The following DIP2C variants were observed in gnomAD, a reference collection of about 807,000 sequenced individuals.
DIP2C encodes the protein disco-interacting protein 2 homolog C.
A neutral mutation model predicts 192.4 loss-of-function variants in DIP2C; 33 were observed. That is an observed-to-expected ratio of 0.17 (90% CI 0.13 to 0.23). The LOEUF (loss-of-function observed/expected upper bound fraction) is 0.23. Among genes scored for constraint, DIP2C ranks in the 10% least tolerant of loss-of-function variants. DIP2C has a pLI of 1.00. For synonymous variants in DIP2C, 979 were observed against 864.1 expected, an observed-to-expected ratio of 1.13 and a Z score of -2.33; for missense variants, 1,537 against 2,110.1, an observed-to-expected ratio of 0.73 and a Z score of 5.32.
chr10:605,662 C>T (rs1026583879), intron 1 of DIP2C, among the ~76,000 whole-genome samples: 1 of 152,202 alleles, frequency 6.6e-6, no homozygotes, highest in Non-Finnish European at 1.5e-5. Context: ...ATTTCATTGC[C>T]ACCTCTGTCT....
rs1028066575 is a variant in DIP2C, at chr10:652,920, G to A, written c.85+36574C>T. ...CTTCCTCCCCGCCCACAGCTACCTC[G>A]CAGCAGCCACACACTGAGCCATAAA... On this transcript the variant is annotated intron_variant, in intron 1 of 36. Transcript: ENST00000280886. The surrounding 1 kb of genome is among the most constrained non-coding windows in gnomAD (Gnocchi z 4.5). Among the ~76,000 whole-genome samples the A allele has an allele frequency of 6.6e-6, 1 of 151,768 alleles. No homozygotes were observed. Among genetic ancestry groups the A allele is most frequent in the African/African-American group, 2.4e-5 (1 of 41,290 alleles).
intron 3 of DIP2C, among the ~76,000 whole-genome samples, chr10:471,717 C>T (rs928551055): frequency 6.6e-6 from 1 of 152,208 alleles, no homozygotes; most frequent in African/African-American, 2.4e-5. Context: ...GAAAAACTCT[C>T]TCAGAATAAT....
Position 345,098 on chromosome 10 carries a change from C to T in DIP2C, c.3244G>A (p.Ala1082Thr), listed in dbSNP as rs1386998510. The change falls in exon 27 of 37, where the codon GCC (alanine) becomes ACC (threonine). Residue 1082 changes from alanine to threonine, a missense_variant. This residue lies in a region of DIP2C where 677 missense variants were observed against 989.9 expected (regional missense o/e 0.68). Coordinates refer to ENST00000280886, the MANE Select transcript of DIP2C (RefSeq NM_014974.3). ...VKMIVEVSRS[A>T]CLMTTQLICK... ...ATCAGCTGTGTCGTCATCAGACAGG[C>T]AGAGCGACTCACCTGGCATCAGAGA... The T allele has an allele frequency of 7.4e-6, 12 of 1,611,876 alleles. No individual in the cohort carries two copies. The Admixed American group carries it at 2.0e-4, about 27-fold the overall frequency.
At chr10:378,750 A>C (rs962091684) in intron 17 of DIP2C, among the ~76,000 whole-genome samples, 1 of 151,850 alleles carries the variant, frequency 6.6e-6, no homozygotes, top group Non-Finnish European at 1.5e-5. Context: ...GACACATGTG[A>C]ACACATGCCT....
chr10:457,476 C>G (rs569872178), intron 3 of DIP2C, among the ~76,000 whole-genome samples: 1 of 152,362 alleles, frequency 6.6e-6, no homozygotes, highest in South Asian at 2.1e-4. Flanking sequence ...TGAAACCAAT[C>G]TATCCTATAT....
chr10:349,992 C>A (rs1424301602), intron 24 of DIP2C, among the ~76,000 whole-genome samples: 1 of 152,166 alleles, frequency 6.6e-6, no homozygotes, highest in Non-Finnish European at 1.5e-5. Flanking sequence ...AATGTACAAA[C>A]AAATAGAAAA....
chr10:437,331 A>T (rs910457964), intron 4 of DIP2C, among the ~76,000 whole-genome samples: 7 of 142,532 alleles, frequency 4.9e-5, no homozygotes, highest in Non-Finnish European at 9.0e-5. Context: ...CACCTCCTGG[A>T]CATGGTAGGG....
intron 16 of DIP2C, 48 bp from the exon 17 acceptor site, chr10:382,809 G>T: frequency 7.4e-7 from 1 of 1,357,964 alleles, no homozygotes; most frequent in Non-Finnish European, 1.0e-6. Flanking sequence ...CACTGTGATT[G>T]ATTACAAAAT....
chr10:408,503 T>C (rs77988770), intron 9 of DIP2C, among the ~76,000 whole-genome samples: 293 of 152,344 alleles, frequency 1.9e-3, no homozygotes, highest in African/African-American at 6.2e-3. Context: ...CATGCCTTTA[T>C]AGTATTGCTT....
intron 1 of DIP2C, among the ~76,000 whole-genome samples, chr10:526,317 A>G (rs972231877): frequency 3.3e-5 from 5 of 152,260 alleles, no homozygotes; most frequent in African/African-American, 9.6e-5. Context: ...GAATTTTATT[A>G]CATAAAATTT....
At chr10:679,887 T>C (rs1018684735) in intron 1 of DIP2C, among the ~76,000 whole-genome samples, 2 of 152,054 alleles carry the variant, frequency 1.3e-5, no homozygotes, top group Non-Finnish European at 2.9e-5. Context: ...CCTGGATAAA[T>C]GGAGGTAAAG....
Position 651,033 on chromosome 10 carries a change from A to C in DIP2C, c.85+38461T>G. 1.4e-6 allele frequency: 1 copy of C among 716,996 alleles called. No individual in the cohort carries two copies. The highest frequency in any genetic ancestry group is 2.0e-5 in the Admixed American group (1 of 49,996). 44.4% of individuals were successfully genotyped at this position (716,996 alleles called of 1,614,324 possible). On this transcript the variant is annotated intron_variant, in intron 1 of 36. Coordinates refer to ENST00000280886, the MANE Select transcript of DIP2C (RefSeq NM_014974.3). The surrounding 1 kb of genome is among the most constrained non-coding windows in gnomAD (Gnocchi z 4.1). The stretch of plus-strand genomic sequence containing the variant: ...CAGGCCCCAGCCCCCGTTTCTGCAG[A>C]AGCCCCTTTCCATCCTAGCCCCTGC...
intron 17 of DIP2C, among the ~76,000 whole-genome samples, chr10:382,017 C>A (rs1962416002): frequency 6.6e-6 from 1 of 152,162 alleles, no homozygotes; most frequent in Non-Finnish European, 1.5e-5. Flanking sequence ...AAAATGAAAA[C>A]AAAACCCCAA....
intron 31 of DIP2C, among the ~76,000 whole-genome samples, chr10:316,379 G>A (rs992295194): frequency 1.3e-5 from 2 of 152,172 alleles, no homozygotes; most frequent in South Asian, 2.1e-4. Flanking sequence ...GCTTCACGGC[G>A]AGAGATCTGC....
chr10:626,502 C>A (rs1343174273), intron 1 of DIP2C, among the ~76,000 whole-genome samples: 1 of 142,468 alleles, frequency 7.0e-6, no homozygotes, highest in Non-Finnish European at 1.5e-5. Context: ...TCCATCCCAT[C>A]CCTGGTGTTG....
chr10:387,725 G>A lies in DIP2C; in HGVS notation c.1662+20C>T, dbSNP rs1963093717. ...GGGGACTCCTTTGTGGACAGACACGGCCGGGGGGACCTCACTTACTGTCAG... is the reference window on the plus strand; with the variant it reads ...GGGGACTCCTTTGTGGACAGACACGACCGGGGGGACCTCACTTACTGTCAG... On this transcript the variant is annotated intron_variant, in intron 14 of 36. Transcript: ENST00000280886. The A allele has an allele frequency of 6.2e-7, 1 of 1,613,870 alleles. No homozygotes were observed. Among genetic ancestry groups the A allele is most frequent in the Non-Finnish European group, 8.5e-7 (1 of 1,179,842 alleles).
chr10:352,055 C>T (rs1484549074), intron 24 of DIP2C, among the ~76,000 whole-genome samples: 2 of 152,260 alleles, frequency 1.3e-5, no homozygotes, highest in Non-Finnish European at 2.9e-5. Flanking sequence ...CCCCCACAGT[C>T]CATTCTCATG....
chr10:577,851 A>G (rs1429857894), intron 1 of DIP2C, among the ~76,000 whole-genome samples: 3 of 151,296 alleles, frequency 2.0e-5, no homozygotes, highest in Non-Finnish European at 4.4e-5. Context: ...ACAAAAGAAG[A>G]AAGAACTTAA....
chr10:576,126 A>AC (rs1850135647), intron 1 of DIP2C, among the ~76,000 whole-genome samples: 1 of 152,158 alleles, frequency 6.6e-6, no homozygotes, highest in African/African-American at 2.4e-5. Flanking sequence ...CAAGAATCTA[A>AC]CTACGCTGTC....
Sources: allele counts gnomAD v4.1 joint callset (sites outside exome capture counted in the v4.1 genomes callset), GRCh38; gene constraint gnomAD v4.1.1; regional missense constraint gnomAD v4.1.1; non-coding constraint Gnocchi (gnomAD v3.1); transcripts MANE v1.5; gene names NCBI Gene and HGNC (gene_info 2026-07-23, HGNC 2026-07-21).